Variants in FBXO38 observed in about 807,000 individuals in gnomAD.
FBXO38 encodes F-box only protein 38.
Under a neutral mutation model 131.9 loss-of-function variants are expected in FBXO38, and 53 were observed. The ratio of observed to expected loss-of-function variants is 0.40; its 90% confidence interval spans 0.32 to 0.51. The LOEUF (loss-of-function observed/expected upper bound fraction) is 0.51. FBXO38 is among the 20% of genes least tolerant of loss of function. The probability of loss-of-function intolerance (pLI) is 0.53; values close to 1 mark genes in which losing one functional copy is unlikely to be tolerated. For synonymous variants in FBXO38, 452 were observed against 505.6 expected, an observed-to-expected ratio of 0.89 and a Z score of 1.42; for missense variants, 1,076 against 1,475.6, an observed-to-expected ratio of 0.73 and a Z score of 4.44.
Position 148,427,726 on chromosome 5 carries a change from C to G in FBXO38, c.2432C>G (p.Thr811Arg). 1 of 1,613,994 alleles carries G rather than the reference C, an allele frequency of 6.2e-7. No homozygotes were observed. Among genetic ancestry groups the G allele is most frequent in the East Asian group, 2.2e-5 (1 of 44,870 alleles). ...TGTGTTGTGAATGGCCCGGATGGTA[C>G]GAGATCCGCCTTTTCCTTTAGGACT... Reference protein sequence around the residue: ...RACVVNGPDGTRSAFSFRTLP... With the variant: ...RACVVNGPDGRRSAFSFRTLP... The change falls in exon 15 of 22, where the codon ACG becomes AGG. Residue 811 changes from threonine to arginine, a missense_variant. Transcript: ENST00000340253.
chr5:148,418,941 A>C (rs1753234184), intron 12 of FBXO38, among the ~76,000 whole-genome samples: 4 of 152,208 alleles, frequency 2.6e-5, no homozygotes, highest in Admixed American at 6.5e-5. Flanking sequence ...CTTACATCTT[A>C]ATTTGATTTA....
chr5:148,396,171 A>G (rs1758468193), intron 2 of FBXO38, among the ~76,000 whole-genome samples: 1 of 152,166 alleles, frequency 6.6e-6, no homozygotes, highest in African/African-American at 2.4e-5. Flanking sequence ...AGAAGACCAA[A>G]TTAAAATGAT....
intron 15 of FBXO38, 84 bp downstream of exon 15, chr5:148,428,031 A>G: frequency 7.3e-7 from 1 of 1,376,766 alleles, no homozygotes; most frequent in Non-Finnish European, 9.5e-7. Context: ...TCTTACAAAA[A>G]GCCAGTTTGG....
chr5:148,420,847 T>C (rs1365913662), intron 12 of FBXO38, among the ~76,000 whole-genome samples: 1 of 151,938 alleles, frequency 6.6e-6, no homozygotes, highest in African/African-American at 2.4e-5. Flanking sequence ...TTAAATAGAG[T>C]TGGGATCTCA....
intron 1 of FBXO38, among the ~76,000 whole-genome samples, chr5:148,385,549 T>A (rs973691741): frequency 1.3e-5 from 2 of 152,210 alleles, no homozygotes; most frequent in African/African-American, 2.4e-5. Context: ...CTCACTTTCC[T>A]TATCTGTAAA....
intron 1 of FBXO38, among the ~76,000 whole-genome samples, chr5:148,393,755 A>G (rs10068216): frequency 0.25 from 38,103 of 152,078 alleles, 4,819 homozygotes; most frequent in South Asian, 0.29. Context: ...ACCTCTTTTC[A>G]GCTGTCATCC....
chr5:148,410,325 T>C, intron 8 of FBXO38: 1 of 334,016 alleles, frequency 3.0e-6, no homozygotes, highest in Non-Finnish European at 5.5e-6. Flanking sequence ...TAAGTCTCAC[T>C]AGATCCAATG....
chr5:148,427,310 A>G lies in FBXO38; in HGVS notation c.2016A>G (p.Lys672=), dbSNP rs1753766169. 7 of 1,614,200 alleles carry G rather than the reference A, an allele frequency of 4.3e-6. No homozygotes were observed. The highest frequency in any genetic ancestry group is 5.1e-6 in the Non-Finnish European group (6 of 1,180,034). The change falls in exon 15 of 22, where the codon AAA becomes AAG. Residue 672 remains lysine (K), a synonymous_variant. Coordinates refer to ENST00000340253, the MANE Select transcript of FBXO38 (RefSeq NM_205836.3). ...CCCTCGAGGAAAGCAGCTGTGAGAA[A>G]GGCTGTCAGGTCACCAGTGAGCAGA... ...QFPLEESSCE[K]GCQVTSEQIK...
chr5:148,405,369 G>C (rs1411087080), intron 6 of FBXO38, among the ~76,000 whole-genome samples: 3 of 151,930 alleles, frequency 2.0e-5, no homozygotes, highest in Non-Finnish European at 4.4e-5. Flanking sequence ...CTGCTCATCA[G>C]CTATCTTTAA....
At chr5:148,409,274 AT>A (rs1396710412) in intron 8 of FBXO38, 57 bp downstream of exon 8, 2 of 1,187,562 alleles carry the variant, frequency 1.7e-6, no homozygotes, top group South Asian at 1.2e-5. Context: ...GTTTTTCCCT[AT>A]TTTACAAAAA....
chr5:148,408,425 T>TTGTTCATAA (rs1752558937), intron 7 of FBXO38, among the ~76,000 whole-genome samples: 1 of 152,240 alleles, frequency 6.6e-6, no homozygotes, highest in South Asian at 2.1e-4. Context: ...ATTTTTAAGA[T>TTGTTCATAA]TGTTCATAGA....
intron 14 of FBXO38, among the ~76,000 whole-genome samples, 199 bp downstream of exon 14, chr5:148,425,900 G>T (rs950831606): frequency 6.6e-6 from 1 of 152,178 alleles, no homozygotes; most frequent in Admixed American, 6.5e-5. Context: ...TGGAATGAGG[G>T]CTCAGGGAAG....
intron 5 of FBXO38, among the ~76,000 whole-genome samples, chr5:148,403,007 A>C (rs1006432535): frequency 2.6e-5 from 4 of 152,172 alleles, no homozygotes; most frequent in Non-Finnish European, 4.4e-5. Context: ...GGAGAGCATC[A>C]GGAATGATAA....
rs1234054639 is a variant in FBXO38, at chr5:148,425,596, G to C, written c.1813G>C (p.Asp605His). The C allele has an allele frequency of 3.1e-6, 5 of 1,613,634 alleles. No individual in the cohort carries two copies. The African/African-American group carries it at 6.7e-5, about 22-fold the overall frequency. ...TGATTCAGAGAGTGATGATGAAGAA[G>C]ATAGTCTAGAACTCCAAGAAGTCTG... ...VHDSESDDEE[D>H]SLELQEVWIP... Residue 605 changes from aspartate to histidine, a missense_variant, in exon 14 of 22, where the codon GAT becomes CAT. Asp to His is a moderately conservative substitution (Grantham distance 81). Transcript: ENST00000340253.
chr5:148,428,770 A>C (rs1753868219), intron 15 of FBXO38, among the ~76,000 whole-genome samples: 1 of 152,270 alleles, frequency 6.6e-6, no homozygotes. Flanking sequence ...GGATTCATAC[A>C]GAGCTAAACA....
intron 9 of FBXO38, 69 bp downstream of exon 9, chr5:148,410,834 T>C (rs1752706728): frequency 1.4e-5 from 20 of 1,458,422 alleles, no homozygotes; most frequent in Non-Finnish European, 1.9e-5. Flanking sequence ...GAAATCTGAA[T>C]TGGGTTGTGC....
At chr5:148,390,491 G>T (rs1256573340) in intron 1 of FBXO38, among the ~76,000 whole-genome samples, 1 of 152,142 alleles carries the variant, frequency 6.6e-6, no homozygotes, top group African/African-American at 2.4e-5. Context: ...AAAGACCCAA[G>T]TCTTCAATTC....
At chr5:148,423,975 C>G in intron 12 of FBXO38, 23 bp from the exon 13 acceptor site, 1 of 1,601,822 alleles carries the variant, frequency 6.2e-7, no homozygotes, top group South Asian at 1.1e-5. Context: ...TTGGTTTTTA[C>G]TTTGTGTATA....
intron 15 of FBXO38, among the ~76,000 whole-genome samples, chr5:148,429,251 G>T (rs544747536): frequency 6.6e-6 from 1 of 151,914 alleles, no homozygotes; most frequent in Non-Finnish European, 1.5e-5. Context: ...ATAAATGTGC[G>T]CATCTTCTTA....
Sources: gnomAD v4.1 joint callset for allele counts (sites outside exome capture counted in the v4.1 genomes callset) on GRCh38, gnomAD v4.1.1 for gene constraint, MANE v1.5 for transcripts, NCBI Gene and HGNC (gene_info 2026-07-23, HGNC 2026-07-21) for gene names.